Variants in CXCL2 observed in about 807,000 individuals in gnomAD.
The protein encoded by CXCL2 is C-X-C motif chemokine ligand 2.
Under a neutral mutation model 11.2 loss-of-function variants are expected in CXCL2, and 12 were observed. The observed-to-expected ratio is 1.08, with a 90% CI of 0.69 to 1.74. The LOEUF (loss-of-function observed/expected upper bound fraction) is 1.74, where lower values mean the gene tolerates loss of function less well. Among genes scored for constraint, CXCL2 ranks in the 40% most tolerant of loss-of-function variants. The probability of loss-of-function intolerance (pLI) is 0.00; values close to 1 mark genes in which losing one functional copy is unlikely to be tolerated. For synonymous variants in CXCL2, 68 were observed against 61.9 expected (o/e 1.10, Z -0.47); for missense variants, 120 against 137.8 (o/e 0.87, Z 0.65).
In CXCL2 at chr4:74,097,696, C is replaced by T. The variant is rs2109775427; in HGVS notation, c.*60G>A. 2.5e-5 allele frequency: 39 copies of T among 1,537,404 alleles called. No individual in the cohort carries two copies. Among genetic ancestry groups the T allele is most frequent in the Non-Finnish European group, 3.4e-5 (39 of 1,140,336 alleles). On this transcript the variant is annotated 3_prime_UTR_variant, in exon 4 of 4. Coordinates refer to ENST00000508487, the MANE Select transcript of CXCL2 (RefSeq NM_002089.4). Reference sequence around the variant, plus strand: ...CTGTGTCTCTCTTTCCTCTTCTGTTCCTGTAAGGGCAGGGCCTCCTTCAGG... The same window carrying T: ...CTGTGTCTCTCTTTCCTCTTCTGTTTCTGTAAGGGCAGGGCCTCCTTCAGG...
Position 74,098,955 on chromosome 4 carries a change from GC to G in CXCL2, c.101-34del, listed in dbSNP as rs758008188. 30 of 1,599,006 alleles carry G rather than the reference GC, an allele frequency of 1.9e-5. No homozygotes were observed. In the South Asian group the frequency reaches 3.4e-4, roughly 18 times the overall value. ...AGAAGAGACTCGCTGATTGAGCGGG[GC>G]TGTCGGCGCGGGGCGCCCACCCCAG... On this transcript the variant is annotated intron_variant, in intron 1 of 3. Coordinates refer to ENST00000508487, the MANE Select transcript of CXCL2 (RefSeq NM_002089.4).
chr4:74,098,417 G>C, intron 3 of CXCL2, 184 bp downstream of exon 3: 1 of 624,946 alleles, frequency 1.6e-6, no homozygotes, highest in East Asian at 3.1e-5. Flanking sequence ...GGTGACCCTG[G>C]GCACTGGGAA....
Position 74,099,143 on chromosome 4 carries a change from C to T in CXCL2, c.-23G>A. The T allele has an allele frequency of 2.0e-6, 3 of 1,474,410 alleles. No homozygotes were observed. Among genetic ancestry groups the T allele is most frequent in the East Asian group, 3.0e-5 (1 of 33,532 alleles). The allele number at this position is 1,474,410 out of a possible 1,614,324, so 91.3% of individuals were successfully genotyped here. On this transcript the variant is annotated 5_prime_UTR_variant, in exon 1 of 4. Transcript: ENST00000508487. ...CATGGGGCTCAGCAGGCGGTTCGAG[C>T]GGCTGTGCGAGGAGGAGAGCTGGCA...
At chr4:74,097,889 G>T in intron 3 of CXCL2, 118 bp from the exon 4 acceptor site, 1 of 1,111,512 alleles carries the variant, frequency 9.0e-7, no homozygotes, top group Non-Finnish European at 1.2e-6. Context: ...TCCCCAGCCT[G>T]GCACCCAAGT....
At chr4:74,098,536 G>T (rs1010802582) in intron 3 of CXCL2, 65 bp downstream of exon 3, 1 of 1,527,534 alleles carries the variant, frequency 6.5e-7, no homozygotes, top group Non-Finnish European at 9.0e-7. Context: ...ACTTTTTAGG[G>T]GGCAGACGCC....
At chr4:74,098,777 G>T (rs200665196) in intron 2 of CXCL2, 22 bp downstream of exon 2, 1 of 1,613,632 alleles carries the variant, frequency 6.2e-7, no homozygotes, top group Admixed American at 1.7e-5. Context: ...CAGTGGCAGC[G>T]GCAGCGATGG....
intron 3 of CXCL2, among the ~76,000 whole-genome samples, 181 bp from the exon 4 acceptor site, chr4:74,097,952 T>C (rs927592859): frequency 6.6e-6 from 1 of 152,196 alleles, no homozygotes. Context: ...AGGCTTGGGA[T>C]GCTCTTTTAG....
intron 3 of CXCL2, among the ~76,000 whole-genome samples, chr4:74,098,264 T>TTTC (rs2109775740): frequency 6.6e-6 from 1 of 152,322 alleles, no homozygotes; most frequent in East Asian, 1.9e-4. Flanking sequence ...TTTTCAGGTC[T>TTTC]GAAAGTCAGT....
At chr4:74,098,440 C>A in intron 3 of CXCL2, 161 bp downstream of exon 3, 2 of 754,638 alleles carry the variant, frequency 2.7e-6, no homozygotes, top group Non-Finnish European at 4.2e-6. Context: ...TCCTCTGGCA[C>A]CAGAACAGAT....
chr4:74,097,837 C>A, intron 3 of CXCL2, 66 bp from the exon 4 acceptor site: 2 of 1,482,200 alleles, frequency 1.3e-6, no homozygotes, highest in Non-Finnish European at 1.8e-6. Context: ...CAGTCTTCTC[C>A]TGTCCTGTTT....
In CXCL2 at chr4:74,098,781, G is replaced by T; in HGVS notation, c.224+18C>A. 1 of 1,613,770 alleles carries T rather than the reference G, an allele frequency of 6.2e-7. No homozygotes were observed. The highest frequency in any genetic ancestry group is 8.5e-7 in the Non-Finnish European group (1 of 1,179,726). ...GGGGACCCCAGCAGTGGCAGCGGCA[G>T]CGATGGGCGAGACTTACATGACTTC... On this transcript the variant is annotated intron_variant, in intron 2 of 3. Transcript: ENST00000508487.
chr4:74,098,820 T>A lies in CXCL2; in HGVS notation c.203A>T (p.His68Leu). 6.2e-7 allele frequency: 1 copy of A among 1,614,044 alleles called. No individual in the cohort carries two copies. The highest frequency in any genetic ancestry group is 8.5e-7 in the Non-Finnish European group (1 of 1,179,978). Reference sequence around the variant, plus strand: ...TTACATGACTTCGGTTTGGGCGCAGTGGGGTCCGGGGGACTTCACCTTCAC... The same window carrying A: ...TTACATGACTTCGGTTTGGGCGCAGAGGGGTCCGGGGGACTTCACCTTCAC... ...QSVKVKSPGP[H>L]CAQTEVIATL... Residue 68 changes from histidine to leucine, a missense_variant, in exon 2 of 4, where the codon CAC (histidine) becomes CTC (leucine). His to Leu is a moderately conservative substitution (Grantham distance 99). Transcript: ENST00000508487.
intron 3 of CXCL2, 30 bp from the exon 4 acceptor site, chr4:74,097,801 G>A: frequency 6.3e-7 from 1 of 1,583,300 alleles, no homozygotes; most frequent in East Asian, 2.3e-5. Context: ...GCCCTGAGTA[G>A]GTGCTCAGGA....
At chr4:74,098,297 T>C (rs1411220658) in intron 3 of CXCL2, among the ~76,000 whole-genome samples, 2 of 152,210 alleles carry the variant, frequency 1.3e-5, no homozygotes, top group African/African-American at 2.4e-5. Flanking sequence ...AAATGAAGCT[T>C]GTGTTTTTTA....
Position 74,097,358 on chromosome 4 carries a change from G to A in CXCL2, c.*398C>T, listed in dbSNP as rs550626661. Reference sequence around the variant, plus strand: ...ACTGGCCATTTTCTTGGATTCCTCAGCCTCTATCACAGTGGCTGACATGTG... The same window carrying A: ...ACTGGCCATTTTCTTGGATTCCTCAACCTCTATCACAGTGGCTGACATGTG... On this transcript the variant is annotated 3_prime_UTR_variant, in exon 4 of 4. Coordinates refer to ENST00000508487, the MANE Select transcript of CXCL2 (RefSeq NM_002089.4). The A allele has an allele frequency of 2.0e-5, 3 of 153,020 alleles. No individual in the cohort carries two copies. The highest frequency in any genetic ancestry group is 4.1e-4 in the South Asian group (2 of 4,836). The allele number at this position is 153,020 out of a possible 1,614,324, so 9.5% of individuals were successfully genotyped here.
Position 74,098,893 on chromosome 4 carries a change from G to A in CXCL2, c.130C>T (p.Gln44Ter). 6.2e-7 allele frequency: 1 copy of A among 1,614,188 alleles called. No homozygotes were observed. The highest frequency in any genetic ancestry group is 8.5e-7 in the Non-Finnish European group (1 of 1,180,032). ...ATTCCCTGCAGGGTCTGCAAGCACT[G>A]GCAGCGCAGTTCAGTGGCCAGGGGC... Reference protein sequence around the residue: ...GAPLATELRCQCLQTLQGIHL... With the variant: ...GAPLATELRC Residue 44 changes from glutamine (Q) to a stop codon, truncating the protein, a stop_gained, in exon 2 of 4, where the codon CAG (glutamine) becomes TAG (stop). Coordinates refer to ENST00000508487, the MANE Select transcript of CXCL2 (RefSeq NM_002089.4). LOFTEE classifies it high-confidence loss of function.
chr4:74,099,032 C>G lies in CXCL2; in HGVS notation c.89G>C (p.Arg30Pro), dbSNP rs1578206894. Reference sequence around the variant, plus strand: ...GCGCCGGGACCCACCTGCTGCGCGCCGGCTGGCGGCCACCAGGAGCAGGAG... The same window carrying G: ...GCGCCGGGACCCACCTGCTGCGCGCGGGCTGGCGGCCACCAGGAGCAGGAG... Reference protein sequence around the residue: ...LLLLLLVAASRRAAGAPLATE... With the variant: ...LLLLLLVAASPRAAGAPLATE... The change falls in exon 1 of 4, where the codon CGG becomes CCG. Residue 30 changes from arginine to proline, a missense_variant. Arg to Pro is a moderately radical substitution (Grantham distance 103). Coordinates refer to ENST00000508487, the MANE Select transcript of CXCL2 (RefSeq NM_002089.4). The G allele has an allele frequency of 6.8e-7, 1 of 1,472,082 alleles. No individual in the cohort carries two copies. Among genetic ancestry groups the G allele is most frequent in the Non-Finnish European group, 9.0e-7 (1 of 1,114,916 alleles). The allele number at this position is 1,472,082 out of a possible 1,614,324, so 91.2% of individuals were successfully genotyped here. A position where few individuals can be genotyped will look rare whatever the true frequency, so the allele number is the denominator to read the frequency against.
rs933276702 is a variant in CXCL2, at chr4:74,097,150, G to C, written c.*606C>G. 3 of 152,212 alleles carry C rather than the reference G, an allele frequency of 2.0e-5. No individual in the cohort carries two copies. The highest frequency in any genetic ancestry group is 4.4e-5 in the Non-Finnish European group (3 of 68,030). The allele number at this position is 152,212 out of a possible 1,614,324, so 9.4% of individuals were successfully genotyped here. A position where few individuals can be genotyped will look rare whatever the true frequency, so the allele number is the denominator to read the frequency against. On this transcript the variant is annotated 3_prime_UTR_variant, in exon 4 of 4. Coordinates refer to ENST00000508487, the MANE Select transcript of CXCL2 (RefSeq NM_002089.4). ...TGCATAATTAACATTAAACAAGGCA[G>C]TATGCCTTACAAGAAAGACATAAAA... is the stretch of plus-strand genomic sequence containing the variant.
chr4:74,098,840 C>T lies in CXCL2; in HGVS notation c.183G>A (p.Lys61=), dbSNP rs200149133. Residue 61 remains lysine, a synonymous_variant, in exon 2 of 4, where the codon AAG becomes AAA. Transcript: ENST00000508487. The part of the protein sequence containing the change: ...GIHLKNIQSV[K]VKSPGPHCAQ... The stretch of plus-strand genomic sequence containing the variant: ...CGCAGTGGGGTCCGGGGGACTTCAC[C>T]TTCACACTTTGGATGTTCTTGAGGT... 1 of 1,614,188 alleles carries T rather than the reference C, an allele frequency of 6.2e-7. No individual in the cohort carries two copies. Among genetic ancestry groups the T allele is most frequent in the Non-Finnish European group, 8.5e-7 (1 of 1,180,022 alleles).
Sources: gnomAD v4.1 joint callset for allele counts (sites outside exome capture counted in the v4.1 genomes callset) on GRCh38, gnomAD v4.1.1 for gene constraint, MANE v1.5 for transcripts, NCBI Gene and HGNC (gene_info 2026-07-23, HGNC 2026-07-21) for gene names.